SMARCD3: variants seen among roughly 807,000 people sequenced by gnomAD.
The protein encoded by SMARCD3 is SWI/SNF-related matrix-associated actin-dependent regulator of chromatin subfamily D member 3.
A neutral mutation model predicts 58.0 loss-of-function variants in SMARCD3; 14 were observed. The observed-to-expected ratio is 0.24, with a 90% CI of 0.16 to 0.38. SMARCD3 has a LOEUF of 0.38. SMARCD3 is among the 10% of genes least tolerant of loss of function. The pLI is 1.00. For synonymous variants in SMARCD3, 253 were observed against 253.8 expected (o/e 1.00, Z 0.03); for missense variants, 408 against 636.9 (o/e 0.64, Z 3.87).
At chr7:151,253,923 ACT>A (rs1324043482) in intron 2 of SMARCD3, among the ~76,000 whole-genome samples, 1 of 151,926 alleles carries the variant, frequency 6.6e-6, no homozygotes, top group Non-Finnish European at 1.5e-5. Context: ...GGGATGGGTC[ACT>A]CAGAACCATC....
At position 151,241,759 on chromosome 7, in the gene SMARCD3, C is replaced by T; in HGVS notation, c.778-106G>A. 7.2e-7 allele frequency: 1 copy of T among 1,388,672 alleles called. No homozygotes were observed. The allele number at this position is 1,388,672 out of a possible 1,614,324, so 86.0% of individuals were successfully genotyped here. ...GATGTGTTGATTGAGGAAACATGCCCCTGGGGAAGGATAGGTTTGGGAGGG... is the reference window on the plus strand; with the variant it reads ...GATGTGTTGATTGAGGAAACATGCCTCTGGGGAAGGATAGGTTTGGGAGGG... On this transcript the variant is annotated intron_variant, in intron 7 of 12. Transcript: ENST00000262188. The surrounding 1 kb of genome is among the most constrained non-coding windows in gnomAD (Gnocchi z 5.3).
Position 151,248,529 on chromosome 7 carries a change from T to G in SMARCD3, c.34A>C (p.Lys12Gln). 6.2e-7 allele frequency: 1 copy of G among 1,613,732 alleles called. No individual in the cohort carries two copies. The highest frequency in any genetic ancestry group is 2.2e-5 in the East Asian group (1 of 44,860). The change falls in exon 1 of 13, where the codon AAA becomes CAA. Residue 12 changes from lysine (K) to glutamine (Q), a missense_variant. Lys to Gln is a moderately conservative substitution (Grantham distance 53, BLOSUM62 1). Around this residue, in one of 4 missense-constraint regions of SMARCD3, gnomAD observed 84 missense variants for 81.2 expected, o/e 1.03. Transcript: ENST00000262188. This position sits in a 1 kb window ranked among gnomAD's most constrained non-coding sequence, Gnocchi z 6.1. ...AADEVAGGAR[K>Q]ATKSKLFEFL... ...TCAAAAAGTTTGCTTTTCGTGGCTT[T>G]GCGCGCCCCTCCGGCAACTTCGTCC...
intron 2 of SMARCD3, among the ~76,000 whole-genome samples, chr7:151,263,800 C>T (rs1803993469): frequency 1.3e-5 from 2 of 152,196 alleles, no homozygotes; most frequent in Admixed American, 6.5e-5. Context: ...CCAGAGTGAT[C>T]TTTTAAAAAA....
chr7:151,239,102 C>T lies in SMARCD3; in HGVS notation c.*1G>A, dbSNP rs775501193. ...CCGTCGTGCTGCTTATTTTTGGGCT[C>T]CTAGGTGTTGCGCACAACCAGCGAC... On this transcript the variant is annotated 3_prime_UTR_variant, in exon 13 of 13. Transcript: ENST00000262188. The surrounding 1 kb of genome is among the most constrained non-coding windows in gnomAD (Gnocchi z 7.0). 7 of 1,613,988 alleles carry T rather than the reference C, an allele frequency of 4.3e-6. No homozygotes were observed. The highest frequency in any genetic ancestry group is 5.9e-6 in the Non-Finnish European group (7 of 1,180,004).
At position 151,242,324 on chromosome 7, in the gene SMARCD3, G is replaced by A; in HGVS notation, c.580-92C>T. The A allele has an allele frequency of 7.2e-7, 1 of 1,395,652 alleles. No individual in the cohort carries two copies. The highest frequency in any genetic ancestry group is 1.0e-6 in the Non-Finnish European group (1 of 985,266). The allele number at this position is 1,395,652 out of a possible 1,614,324, so 86.5% of individuals were successfully genotyped here. A position where few individuals can be genotyped will look rare whatever the true frequency, so the allele number is the denominator to read the frequency against. ...AAGTTGGCAGCCGACAGGGCAGTGG[G>A]CTTAGATGAAATCCTCTGCACTTGG... On this transcript the variant is annotated intron_variant, in intron 5 of 12. Transcript: ENST00000262188. The surrounding 1 kb of genome is among the most constrained non-coding windows in gnomAD (Gnocchi z 4.7).
At chr7:151,240,025 C>G in intron 10 of SMARCD3, 87 bp downstream of exon 10, 1 of 1,216,054 alleles carries the variant, frequency 8.2e-7, no homozygotes, top group Non-Finnish European at 1.2e-6. Flanking sequence ...CCAGACTGCT[C>G]ATCTGCAACC....
chr7:151,270,471 T>C (rs925467069), intron 2 of SMARCD3, among the ~76,000 whole-genome samples: 2 of 152,248 alleles, frequency 1.3e-5, no homozygotes, highest in African/African-American at 4.8e-5. Flanking sequence ...ACAAGACAGA[T>C]GCAGCCATGC....
At position 151,243,219 on chromosome 7, in the gene SMARCD3, T is replaced by C. The variant is rs375773986; in HGVS notation, c.334-376A>G. On this transcript the variant is annotated intron_variant, in intron 3 of 12. Coordinates refer to ENST00000262188, the MANE Select transcript of SMARCD3 (RefSeq NM_001003801.2). This position sits in a 1 kb window ranked among gnomAD's most constrained non-coding sequence, Gnocchi z 4.4. ...AAGTGCCTAGTAGGGGCTCAATCCCTGAGACAGTTGGACAGCGGTGCTTTC... is the reference window on the plus strand; with the variant it reads ...AAGTGCCTAGTAGGGGCTCAATCCCCGAGACAGTTGGACAGCGGTGCTTTC... Among the ~76,000 whole-genome samples, 63 of 152,298 alleles carry C rather than the reference T, an allele frequency of 4.1e-4. No individual in the cohort carries two copies. The South Asian group carries it at 0.013, about 31-fold the overall frequency.
upstream of SMARCD3, among the ~76,000 whole-genome samples, chr7:151,251,926 C>G (rs1199349959): frequency 1.4e-5 from 2 of 146,748 alleles, no homozygotes; most frequent in Non-Finnish European, 3.0e-5. Flanking sequence ...TCGGGCCGGC[C>G]CGGCCCGCGC....
At chr7:151,259,646 G>A (rs1803852124) in intron 2 of SMARCD3, among the ~76,000 whole-genome samples, 1 of 98,032 alleles carries the variant, frequency 1.0e-5, no homozygotes, top group Admixed American at 1.7e-4. Context: ...TTTCACTCTT[G>A]TCACCCAGGC....
intron 1 of SMARCD3, among the ~76,000 whole-genome samples, chr7:151,247,235 A>T (rs1212137628): frequency 2.0e-5 from 3 of 152,052 alleles, no homozygotes; most frequent in African/African-American, 4.8e-5. Flanking sequence ...TGACCAGATT[A>T]AAAAAACAGT....
Position 151,238,933 on chromosome 7 carries a change from T to G in SMARCD3, c.*170A>C. ...CCCACCTTCTTCCCTTCCCCTTCTCTCCCCCTCCCCTCCCCAGTTTCCAAT... is the reference window on the plus strand; with the variant it reads ...CCCACCTTCTTCCCTTCCCCTTCTCGCCCCCTCCCCTCCCCAGTTTCCAAT... On this transcript the variant is annotated 3_prime_UTR_variant, in exon 13 of 13. Coordinates refer to ENST00000262188, the MANE Select transcript of SMARCD3 (RefSeq NM_001003801.2). 9.9e-7 allele frequency: 1 copy of G among 1,012,170 alleles called. No homozygotes were observed. 62.7% of individuals were successfully genotyped at this position (1,012,170 alleles called of 1,614,324 possible).
chr7:151,256,903 G>A (rs1803718909), intron 2 of SMARCD3, among the ~76,000 whole-genome samples: 1 of 152,054 alleles, frequency 6.6e-6, no homozygotes, highest in African/African-American at 2.4e-5. Flanking sequence ...CCGTGTGCCA[G>A]CTCCGTCCCT....
intron 1 of SMARCD3, chr7:151,275,330 C>T (rs1020830052): frequency 7.7e-5 from 49 of 634,410 alleles, no homozygotes; most frequent in East Asian, 5.5e-5. Context: ...CCAAACTCCC[C>T]GGAGTGGAGG....
At position 151,243,765 on chromosome 7, in the gene SMARCD3, C is replaced by A; in HGVS notation, c.291-64G>T. The A allele has an allele frequency of 1.7e-6, 2 of 1,153,616 alleles. No homozygotes were observed. The highest frequency in any genetic ancestry group is 2.6e-6 in the Non-Finnish European group (2 of 759,506). The allele number at this position is 1,153,616 out of a possible 1,614,324, so 71.5% of individuals were successfully genotyped here. On this transcript the variant is annotated intron_variant, in intron 2 of 12. Coordinates refer to ENST00000262188, the MANE Select transcript of SMARCD3 (RefSeq NM_001003801.2). This position sits in a 1 kb window ranked among gnomAD's most constrained non-coding sequence, Gnocchi z 4.4. ...GACAGATCTGGGCGTAACGAGGCCA[C>A]CTGCTAGATTATCCCGACATCTCCG...
At chr7:151,264,232 T>A (rs1007680542) in intron 2 of SMARCD3, among the ~76,000 whole-genome samples, 18 of 152,138 alleles carry the variant, frequency 1.2e-4, no homozygotes, top group African/African-American at 4.1e-4. Context: ...CTAATTTTTA[T>A]ATTTTTAGTA....
In SMARCD3 at chr7:151,248,588, ACTCTCT is replaced by A. The variant is rs747141473; in HGVS notation, c.-32_-27del. ...CGGGGTGGGCTCAGCGGCTCCTCTC[ACTCTCT>A]CTCTCTCTTCCTCTTTCTTTCCCTT... On this transcript the variant is annotated 5_prime_UTR_variant, in exon 1 of 13. Transcript: ENST00000262188. The surrounding 1 kb of genome is among the most constrained non-coding windows in gnomAD (Gnocchi z 6.1). 1.9e-6 allele frequency: 3 copies of A among 1,582,514 alleles called. No homozygotes were observed. The highest frequency in any genetic ancestry group is 2.6e-6 in the Non-Finnish European group (3 of 1,159,498).
In SMARCD3 at chr7:151,241,737, G is replaced by A; in HGVS notation, c.778-84C>T. The A allele has an allele frequency of 7.0e-7, 1 of 1,425,718 alleles. No individual in the cohort carries two copies. The highest frequency in any genetic ancestry group is 9.7e-7 in the Non-Finnish European group (1 of 1,027,016). 88.3% of individuals were successfully genotyped at this position (1,425,718 alleles called of 1,614,324 possible). A position where few individuals can be genotyped will look rare whatever the true frequency, so the allele number is the denominator to read the frequency against. ...CCAGGCCATTCAGGACTAGGGGGAT[G>A]TGTTGATTGAGGAAACATGCCCCTG... On this transcript the variant is annotated intron_variant, in intron 7 of 12. Coordinates refer to ENST00000262188, the MANE Select transcript of SMARCD3 (RefSeq NM_001003801.2). This position sits in a 1 kb window ranked among gnomAD's most constrained non-coding sequence, Gnocchi z 5.3.
chr7:151,249,746 G>A (rs1270014753), upstream of SMARCD3, among the ~76,000 whole-genome samples: 1 of 151,502 alleles, frequency 6.6e-6, no homozygotes, highest in East Asian at 2.0e-4. The surrounding 1 kb of genome is among the most constrained non-coding windows in gnomAD (Gnocchi z 4.8). Context: ...CCCAAAGAGA[G>A]GGGTCTTGAG....
Sources: gnomAD v4.1 joint callset for allele counts (sites outside exome capture counted in the v4.1 genomes callset) on GRCh38, gnomAD v4.1.1 for gene constraint, gnomAD v4.1.1 regional missense constraint, Gnocchi (gnomAD v3.1) non-coding constraint, MANE v1.5 for transcripts, NCBI Gene and HGNC (gene_info 2026-07-23, HGNC 2026-07-21) for gene names.